The following CNOT2 variants were observed in gnomAD, a reference collection of about 807,000 sequenced individuals.
CNOT2 encodes CCR4-NOT transcription complex subunit 2.
CNOT2 carries 7 observed loss-of-function variants against 72.1 expected under a neutral mutation model. The ratio of observed to expected loss-of-function variants is 0.10; its 90% CI spans 0.06 to 0.18. The LOEUF is 0.18. Ranked by LOEUF, CNOT2 falls within the 10% of genes least tolerant of loss-of-function variation. The pLI, the probability that CNOT2 is intolerant of heterozygous loss-of-function variation, is 1.00. For synonymous variants in CNOT2, 196 were observed against 225.6 expected (o/e 0.87, Z 1.17); for missense variants, 345 against 660.3 (o/e 0.52, Z 5.23).
intron 11 of CNOT2, 74 bp from the exon 12 acceptor site, chr12:70,342,033 T>G: frequency 1.0e-6 from 1 of 967,996 alleles, no homozygotes; most frequent in Non-Finnish European, 1.7e-6. Context: ...AGTTGGAGTC[T>G]TTGTTTTTCC....
In CNOT2 at chr12:70,294,067, A is replaced by G; in HGVS notation, c.48+15793A>G. 4 of 1,250,158 alleles carry G rather than the reference A, an allele frequency of 3.2e-6. 1 individual carries two copies. The highest frequency in any genetic ancestry group is 1.2e-5 in the South Asian group (1 of 80,182). 77.4% of individuals were successfully genotyped at this position (1,250,158 alleles called of 1,614,324 possible). A position where few individuals can be genotyped will look rare whatever the true frequency, so the allele number is the denominator to read the frequency against. On this transcript the variant is annotated intron_variant, in intron 2 of 15. Transcript: ENST00000229195. ...TTATAGCATGATTTCCTTATTTTTC[A>G]AAGAGCGGAAGAATCCCATCGTTTA...
intron 1 of CNOT2, chr12:70,243,996 A>C (rs1565715230): frequency 1.3e-5 from 2 of 152,170 alleles, no homozygotes; most frequent in Non-Finnish European, 2.9e-5. Context: ...GTGGCTTCTT[A>C]CCTTCTCTCA....
chr12:70,326,112 G>C (rs1392235174), intron 4 of CNOT2, among the ~76,000 whole-genome samples: 2 of 151,858 alleles, frequency 1.3e-5, no homozygotes, highest in African/African-American at 4.8e-5. Flanking sequence ...TAAGAGGTAG[G>C]AATCTATTTA....
intron 11 of CNOT2, among the ~76,000 whole-genome samples, chr12:70,339,952 T>C (rs1881273589): frequency 6.6e-6 from 1 of 152,206 alleles, no homozygotes; most frequent in South Asian, 2.1e-4. Context: ...ATTTTCACAC[T>C]TTGTTGGGTC....
Position 70,335,582 on chromosome 12 carries a change from G to A in CNOT2, c.775+19G>A. On this transcript the variant is annotated intron_variant, in intron 8 of 15. Coordinates refer to ENST00000229195, the MANE Select transcript of CNOT2 (RefSeq NM_014515.7). Reference sequence around the variant, plus strand: ...CCTTATGGTAATTAAGCTTTTTAATGATGGCCAGTAGAAAGTTTCCATTGT... The same window carrying A: ...CCTTATGGTAATTAAGCTTTTTAATAATGGCCAGTAGAAAGTTTCCATTGT... 6.3e-7 allele frequency: 1 copy of A among 1,597,364 alleles called. No homozygotes were observed. The highest frequency in any genetic ancestry group is 8.6e-7 in the Non-Finnish European group (1 of 1,166,178).
chr12:70,311,608 G>A (rs1383689751), intron 3 of CNOT2, among the ~76,000 whole-genome samples: 1 of 151,866 alleles, frequency 6.6e-6, no homozygotes, highest in African/African-American at 2.4e-5. Flanking sequence ...GGGATAAAAG[G>A]ATTTAGAATG....
intron 2 of CNOT2, among the ~76,000 whole-genome samples, chr12:70,302,375 A>C (rs1411234499): frequency 2.2e-4 from 33 of 150,864 alleles, no homozygotes; most frequent in African/African-American, 7.8e-4. Context: ...TTCCCTCTAC[A>C]CACTGCTTTG....
In CNOT2 at chr12:70,346,385, T is replaced by C. The variant is rs756337648; in HGVS notation, c.1536+61T>C. The C allele has an allele frequency of 2.9e-6, 4 of 1,400,998 alleles. No homozygotes were observed. In the African/African-American group the frequency reaches 5.7e-5, roughly 20 times the overall value. The allele number at this position is 1,400,998 out of a possible 1,614,324, so 86.8% of individuals were successfully genotyped here. A position where few individuals can be genotyped will look rare whatever the true frequency, so the allele number is the denominator to read the frequency against. ...AACTTGAAAAAAGAAGTGTCCTCTT[T>C]TATCTGTTTATAAGTACCAATACAT... On this transcript the variant is annotated intron_variant, in intron 15 of 15. Coordinates refer to ENST00000229195, the MANE Select transcript of CNOT2 (RefSeq NM_014515.7).
chr12:70,258,288 G>C (rs1440806258), intron 1 of CNOT2, among the ~76,000 whole-genome samples: 3 of 152,068 alleles, frequency 2.0e-5, no homozygotes, highest in Non-Finnish European at 4.4e-5. Flanking sequence ...TCTCCAAGGG[G>C]TTTAAACTGG....
intron 3 of CNOT2, among the ~76,000 whole-genome samples, chr12:70,311,714 C>A (rs375997230): frequency 1.3e-5 from 2 of 152,116 alleles, no homozygotes; most frequent in Non-Finnish European, 1.5e-5. Context: ...AATGTACTCT[C>A]TAGTCACACC....
intron 3 of CNOT2, among the ~76,000 whole-genome samples, chr12:70,313,245 T>A (rs992121580): frequency 4.6e-5 from 7 of 152,052 alleles, no homozygotes; most frequent in African/African-American, 1.7e-4. Flanking sequence ...TCTATTGAGA[T>A]CTTAAGTCTT....
At chr12:70,302,038 A>G (rs527507717) in intron 2 of CNOT2, among the ~76,000 whole-genome samples, 45 of 152,110 alleles carry the variant, frequency 3.0e-4, no homozygotes, top group African/African-American at 1.0e-3. Context: ...TGATGGTGGT[A>G]TGTATTTCTG....
intron 4 of CNOT2, among the ~76,000 whole-genome samples, chr12:70,326,147 A>C (rs1879044355): frequency 6.6e-6 from 1 of 151,832 alleles, no homozygotes; most frequent in Non-Finnish European, 1.5e-5. Flanking sequence ...AGTCCTCCTA[A>C]TATTGTGTTG....
intron 15 of CNOT2, among the ~76,000 whole-genome samples, chr12:70,348,900 T>C (rs1165147742): frequency 6.6e-6 from 1 of 151,954 alleles, no homozygotes; most frequent in African/African-American, 2.4e-5. Flanking sequence ...ATCTATCGTG[T>C]ACAGTTGAGC....
At chr12:70,260,836 C>T (rs1958708143) in intron 1 of CNOT2, among the ~76,000 whole-genome samples, 1 of 148,254 alleles carries the variant, frequency 6.7e-6, no homozygotes, top group African/African-American at 2.5e-5. Context: ...TCTTCTTTTC[C>T]AATCCAGATG....
chr12:70,348,965 TATC>T (rs771218016), intron 15 of CNOT2, among the ~76,000 whole-genome samples: 7 of 152,066 alleles, frequency 4.6e-5, no homozygotes, highest in Non-Finnish European at 8.8e-5. Flanking sequence ...TGAGAAATAA[TATC>T]ATTAAGTTAC....
chr12:70,290,844 A>G (rs1871768539), intron 2 of CNOT2: 1 of 152,098 alleles, frequency 6.6e-6, no homozygotes, highest in Non-Finnish European at 1.5e-5. Flanking sequence ...TAAAAACTAT[A>G]TTTTGGTTGA....
chr12:70,319,438 C>G (rs74396971), intron 4 of CNOT2, 74 bp downstream of exon 4: 19,790 of 1,384,378 alleles, frequency 0.014, 420 homozygotes, highest in African/African-American at 0.062. Flanking sequence ...AAAGAACAAC[C>G]AGTACTTCCT....
chr12:70,331,717 TAG>T, intron 6 of CNOT2: 1 of 151,974 alleles, frequency 6.6e-6, no homozygotes, highest in African/African-American at 2.4e-5. Flanking sequence ...GGCTCTTCTC[TAG>T]AGTGTTTGTT....
Sources: gnomAD v4.1 joint callset for allele counts (sites outside exome capture counted in the v4.1 genomes callset) on GRCh38, gnomAD v4.1.1 for gene constraint, MANE v1.5 for transcripts, NCBI Gene and HGNC (gene_info 2026-07-23, HGNC 2026-07-21) for gene names.